RBMS3: variants seen among roughly 807,000 people sequenced by gnomAD.
RBMS3 encodes RNA-binding motif, single-stranded-interacting protein 3.
A neutral mutation model predicts 66.8 loss-of-function variants in RBMS3; 27 were observed. That is an observed-to-expected ratio of 0.40 (90% CI 0.30 to 0.56). RBMS3 has a LOEUF of 0.56. RBMS3 is among the 20% of genes least tolerant of loss of function. The pLI is 0.40. For synonymous variants in RBMS3, 188 were observed against 183.0 expected (o/e 1.03, Z -0.22); for missense variants, 513 against 549.5 (o/e 0.93, Z 0.66).
chr3:29,511,760 TG>T (rs765720672), intron 3 of RBMS3, among the ~76,000 whole-genome samples: 199 of 152,248 alleles, frequency 1.3e-3, no homozygotes, highest in Non-Finnish European at 1.4e-3. Flanking sequence ...ATAACAAAAA[TG>T]GGATTTTCAC....
chr3:29,702,873 G>C (rs1027515628), intron 4 of RBMS3, among the ~76,000 whole-genome samples: 2 of 152,274 alleles, frequency 1.3e-5, no homozygotes, highest in African/African-American at 4.8e-5. Flanking sequence ...TCACCGCGAG[G>C]GTCCGCGGCT....
chr3:29,472,455 C>G (rs1305598860), intron 2 of RBMS3, among the ~76,000 whole-genome samples: 1 of 152,154 alleles, frequency 6.6e-6, no homozygotes, highest in Non-Finnish European at 1.5e-5. Flanking sequence ...CTTGGCCTCC[C>G]ACAGTGCTAG....
chr3:29,795,032 A>G (rs2057136559), intron 6 of RBMS3, among the ~76,000 whole-genome samples: 1 of 152,190 alleles, frequency 6.6e-6, no homozygotes, highest in Non-Finnish European at 1.5e-5. Context: ...TTTTGTTATT[A>G]CCAGACCCCA....
chr3:29,685,220 A>T (rs922627523), intron 4 of RBMS3, among the ~76,000 whole-genome samples: 7 of 151,424 alleles, frequency 4.6e-5, no homozygotes, highest in Admixed American at 1.3e-4. Flanking sequence ...CACCACGCCC[A>T]GCTAATTTTT....
intron 14 of RBMS3, among the ~76,000 whole-genome samples, chr3:29,994,152 CAAAG>C (rs944730952): frequency 6.6e-6 from 1 of 152,180 alleles, no homozygotes; most frequent in African/African-American, 2.4e-5. Context: ...CTTTCTGAGT[CAAAG>C]AAAGGGGTGA....
intron 10 of RBMS3, among the ~76,000 whole-genome samples, chr3:29,920,047 A>T (rs965796050): frequency 2.6e-5 from 4 of 152,040 alleles, no homozygotes; most frequent in African/African-American, 9.7e-5. Context: ...TTAGGAAAAA[A>T]TTGTCGCATG....
chr3:29,530,831 C>T (rs901442815), intron 3 of RBMS3, among the ~76,000 whole-genome samples: 9 of 150,378 alleles, frequency 6.0e-5, no homozygotes, highest in African/African-American at 2.0e-4. Context: ...GAGATCGCGC[C>T]ACTACACTCC....
chr3:29,389,384 T>A (rs2039176262), intron 1 of RBMS3, among the ~76,000 whole-genome samples: 1 of 152,196 alleles, frequency 6.6e-6, no homozygotes, highest in African/African-American at 2.4e-5. Flanking sequence ...GCTTGGCTTC[T>A]CTTGGTTTGC....
chr3:29,980,725 C>T (rs1424281115), intron 12 of RBMS3, among the ~76,000 whole-genome samples: 4 of 152,026 alleles, frequency 2.6e-5, no homozygotes, highest in Admixed American at 2.0e-4. Flanking sequence ...TCAGGTTTGT[C>T]GAAGATAGAT....
chr3:29,526,783 A>G (rs1199751586), intron 3 of RBMS3, among the ~76,000 whole-genome samples: 1 of 152,080 alleles, frequency 6.6e-6, no homozygotes, highest in African/African-American at 2.4e-5. Context: ...CTAATATTTA[A>G]AGATAGATAA....
intron 5 of RBMS3, among the ~76,000 whole-genome samples, chr3:29,745,948 A>G (rs1340261778): frequency 1.3e-5 from 2 of 152,036 alleles, no homozygotes; most frequent in African/African-American, 2.4e-5. Flanking sequence ...TGCTTACTAA[A>G]TATCAATCAG....
At chr3:29,788,869 G>A (rs2056914166) in intron 6 of RBMS3, among the ~76,000 whole-genome samples, 1 of 152,098 alleles carries the variant, frequency 6.6e-6, no homozygotes, top group East Asian at 1.9e-4. Context: ...AGTGTGAAAA[G>A]TCCTGTATCC....
rs1219027994 is a variant in RBMS3 at position 29,942,622 on chromosome 3, AGAG to A, written c.1051-1584_1051-1582del. Among the ~76,000 whole-genome samples, 10 of 151,972 alleles carry A rather than the reference AGAG, an allele frequency of 6.6e-5. No individual in the cohort carries two copies. The East Asian group carries it at 1.9e-3, about 30-fold the overall frequency. The stretch of plus-strand genomic sequence containing the variant: ...CTCTAAAGAAGTATTATAAGGCTAA[AGAG>A]AAATATAAAACAAGTGTGGCTATTT... On this transcript the variant is annotated intron_variant, in intron 11 of 14. Coordinates refer to ENST00000383767, the MANE Select transcript of RBMS3 (RefSeq NM_001003793.3).
chr3:29,927,028 G>A (rs909018494), intron 10 of RBMS3: 1 of 152,132 alleles, frequency 6.6e-6, no homozygotes, highest in Admixed American at 6.6e-5. Context: ...GCATTTAACT[G>A]AGCATAAATA....
chr3:29,865,235 A>G (rs1384915552), intron 6 of RBMS3, among the ~76,000 whole-genome samples: 1 of 152,166 alleles, frequency 6.6e-6, no homozygotes, highest in African/African-American at 2.4e-5. Context: ...TATGTGTTAA[A>G]GCCTATGGAA....
At chr3:29,762,471 G>A (rs2055733837) in intron 5 of RBMS3, among the ~76,000 whole-genome samples, 1 of 152,128 alleles carries the variant, frequency 6.6e-6, no homozygotes, top group Admixed American at 6.6e-5. Flanking sequence ...ACAGATGTCA[G>A]TTCAAATACT....
chr3:29,570,198 G>A (rs1458724334), intron 3 of RBMS3, among the ~76,000 whole-genome samples: 1 of 151,844 alleles, frequency 6.6e-6, no homozygotes. Flanking sequence ...TAATTTTTGT[G>A]AGTACATAGT....
intron 3 of RBMS3, among the ~76,000 whole-genome samples, chr3:29,582,538 G>A (rs1312766294): frequency 6.6e-6 from 1 of 152,122 alleles, no homozygotes; most frequent in Non-Finnish European, 1.5e-5. Context: ...GAGACGGGTG[G>A]GCTTACAGCC....
intron 3 of RBMS3, among the ~76,000 whole-genome samples, chr3:29,552,610 G>A (rs563413197): frequency 2.4e-4 from 36 of 152,148 alleles, no homozygotes; most frequent in African/African-American, 5.8e-4. Flanking sequence ...GTGTTATTCC[G>A]ATGGTTTCTC....
Sources: gnomAD v4.1 joint callset for allele counts (sites outside exome capture counted in the v4.1 genomes callset) on GRCh38, gnomAD v4.1.1 for gene constraint, MANE v1.5 for transcripts, NCBI Gene and HGNC (gene_info 2026-07-23, HGNC 2026-07-21) for gene names.